SFXN5: variants seen among roughly 807,000 people sequenced by gnomAD.
The protein encoded by SFXN5 is sideroflexin 5, also known as sideroflexin-5.
Under a neutral mutation model 50.2 loss-of-function variants are expected in SFXN5, and 43 were observed. The observed-to-expected ratio is 0.86, with a 90% CI of 0.67 to 1.11. SFXN5 has a LOEUF of 1.11. Ranked by LOEUF, SFXN5 falls within the 50% of genes least tolerant of loss-of-function variation. The pLI, the probability that SFXN5 is intolerant of heterozygous loss-of-function variation, is 0.00. For synonymous variants in SFXN5, 203 were observed against 185.8 expected, an observed-to-expected ratio of 1.09 and a Z score of -0.75; for missense variants, 463 against 454.1, an observed-to-expected ratio of 1.02 and a Z score of -0.18.
chr2:73,025,596 G>A (rs1428235260), intron 3 of SFXN5, among the ~76,000 whole-genome samples: 2 of 152,208 alleles, frequency 1.3e-5, no homozygotes, highest in Non-Finnish European at 2.9e-5. Flanking sequence ...CCCTCTCGGG[G>A]AGGAAGGGGA....
At position 72,945,201 on chromosome 2, in the gene SFXN5, C is replaced by A. The variant is rs1671801273; in HGVS notation, c.946-102G>T. ...CCACCCTGGGCCCCAGAGCTCTGCC[C>A]CCTGCACCCCCGTGTCCACCCCAGC... On this transcript the variant is annotated intron_variant, in intron 13 of 13. Transcript: ENST00000272433. The surrounding 1 kb of genome is among the most constrained non-coding windows in gnomAD (Gnocchi z 5.8). The A allele has an allele frequency of 8.2e-6, 9 of 1,092,408 alleles. No individual in the cohort carries two copies. Among genetic ancestry groups the A allele is most frequent in the Middle Eastern group, 2.1e-4 (1 of 4,782 alleles). The allele number at this position is 1,092,408 out of a possible 1,614,324, so 67.7% of individuals were successfully genotyped here. A position where few individuals can be genotyped will look rare whatever the true frequency, so the allele number is the denominator to read the frequency against.
At chr2:72,959,671 C>T (rs1157275338) in intron 13 of SFXN5, among the ~76,000 whole-genome samples, 12 of 152,288 alleles carry the variant, frequency 7.9e-5, no homozygotes, top group African/African-American at 2.6e-4. Context: ...GGGGTCTCCC[C>T]GTGCCAAGGC....
At chr2:72,955,794 C>T (rs891246713) in intron 13 of SFXN5, among the ~76,000 whole-genome samples, 5 of 152,316 alleles carry the variant, frequency 3.3e-5, no homozygotes, top group South Asian at 4.1e-4. Context: ...GGGGAGGACA[C>T]AGAGGACCCC....
At chr2:73,032,891 G>C (rs965979063) in intron 3 of SFXN5, among the ~76,000 whole-genome samples, 2 of 152,184 alleles carry the variant, frequency 1.3e-5, no homozygotes, top group Non-Finnish European at 2.9e-5. Flanking sequence ...TTGTTGCCAT[G>C]GTTACTCCCA....
At chr2:72,986,132 T>C (rs1671893461) in intron 10 of SFXN5, among the ~76,000 whole-genome samples, 1 of 152,232 alleles carries the variant, frequency 6.6e-6, no homozygotes, top group Non-Finnish European at 1.5e-5. Flanking sequence ...AAGTCAGATC[T>C]AAAGGGTTAT....
At position 72,988,361 on chromosome 2, in the gene SFXN5, A is replaced by G. The variant is rs1672160592; in HGVS notation, c.535-13T>C. The G allele has an allele frequency of 6.2e-7, 1 of 1,612,396 alleles. No individual in the cohort carries two copies. Among genetic ancestry groups the G allele is most frequent in the Non-Finnish European group, 8.5e-7 (1 of 1,179,040 alleles). On this transcript the variant is annotated splice_polypyrimidine_tract_variant and intron_variant, in intron 9 of 13. Coordinates refer to ENST00000272433, the MANE Select transcript of SFXN5 (RefSeq NM_144579.3). Reference sequence around the variant, plus strand: ...CATTAAGGCCCACCTTTGAAAGAAAAAAATAAAAACACAGAAAAAGTACAT... The same window carrying G: ...CATTAAGGCCCACCTTTGAAAGAAAGAAATAAAAACACAGAAAAAGTACAT...
chr2:73,040,122 C>T (rs571984349), intron 3 of SFXN5, among the ~76,000 whole-genome samples: 1 of 152,192 alleles, frequency 6.6e-6, no homozygotes, highest in South Asian at 2.1e-4. Context: ...CTTACAAGCA[C>T]TTTAGTACTA....
chr2:73,010,989 AAGG>A (rs904690433), intron 6 of SFXN5, among the ~76,000 whole-genome samples: 2 of 152,354 alleles, frequency 1.3e-5, no homozygotes, highest in African/African-American at 4.8e-5. Context: ...CAAACAAAGA[AAGG>A]AGGGAAAAAG....
chr2:73,066,937 C>T (rs950440353), intron 1 of SFXN5, among the ~76,000 whole-genome samples: 1 of 152,176 alleles, frequency 6.6e-6, no homozygotes, highest in Non-Finnish European at 1.5e-5. Flanking sequence ...TCCAGCTACT[C>T]TGGAGGTAGA....
chr2:73,018,004 G>T (rs941954521), intron 6 of SFXN5, among the ~76,000 whole-genome samples: 1 of 152,126 alleles, frequency 6.6e-6, no homozygotes, highest in Admixed American at 6.6e-5. Flanking sequence ...AGGAGTTCAA[G>T]ACAAGCCTGG....
chr2:72,979,476 A>G (rs1417172153), intron 10 of SFXN5, among the ~76,000 whole-genome samples: 2 of 152,022 alleles, frequency 1.3e-5, no homozygotes, highest in Admixed American at 6.5e-5. Flanking sequence ...TCTACTAAAA[A>G]CACAAAAATT....
chr2:73,038,890 C>G lies in SFXN5; in HGVS notation c.249+1964G>C, dbSNP rs533056182. Among the ~76,000 whole-genome samples the G allele has an allele frequency of 3.3e-5, 5 of 152,236 alleles. No individual in the cohort carries two copies. The South Asian group carries it at 1.0e-3, about 32-fold the overall frequency. On this transcript the variant is annotated intron_variant, in intron 3 of 13. Coordinates refer to ENST00000272433, the MANE Select transcript of SFXN5 (RefSeq NM_144579.3). ...GACTAGGCCTGCACAGGGTCAGGAT[C>G]ATCAAGACATCTCCAGGCAACAGGA...
chr2:73,033,059 G>C (rs1401358803), intron 3 of SFXN5, among the ~76,000 whole-genome samples: 1 of 152,168 alleles, frequency 6.6e-6, no homozygotes, highest in Non-Finnish European at 1.5e-5. Context: ...CCAGACCTGG[G>C]TTTAAATTCT....
intron 9 of SFXN5, among the ~76,000 whole-genome samples, 171 bp from the exon 10 acceptor site, chr2:72,988,519 G>A (rs780933426): frequency 3.5e-4 from 53 of 152,010 alleles, no homozygotes; most frequent in Non-Finnish European, 6.6e-4. Flanking sequence ...GAGCTCCAGC[G>A]TCGCTGCTTA....
intron 1 of SFXN5, among the ~76,000 whole-genome samples, chr2:73,064,187 G>A (rs1574274599): frequency 1.3e-5 from 2 of 152,170 alleles, no homozygotes; most frequent in Admixed American, 6.5e-5. Context: ...AGCTGACACC[G>A]CCCCGCAACT....
At chr2:73,055,699 C>G (rs1333020019) in intron 2 of SFXN5, among the ~76,000 whole-genome samples, 1 of 151,504 alleles carries the variant, frequency 6.6e-6, no homozygotes, top group Non-Finnish European at 1.5e-5. Flanking sequence ...TCACTGCAAG[C>G]TCCGCCTCCC....
In SFXN5 at chr2:72,961,020, GC is replaced by G; in HGVS notation, c.945+110del. On this transcript the variant is annotated intron_variant, in intron 13 of 13. Coordinates refer to ENST00000272433, the MANE Select transcript of SFXN5 (RefSeq NM_144579.3). This position sits in a 1 kb window ranked among gnomAD's most constrained non-coding sequence, Gnocchi z 4.4. ...TGGGCCAGCCTCATTCACGGTTCCA[GC>G]CCCAGCGCCTAGCATGGCGCTAAGG... is the stretch of plus-strand genomic sequence containing the variant. The G allele has an allele frequency of 4.1e-6, 3 of 728,268 alleles. No individual in the cohort carries two copies. The highest frequency in any genetic ancestry group is 6.2e-6 in the Non-Finnish European group (3 of 486,872). 45.1% of individuals were successfully genotyped at this position (728,268 alleles called of 1,614,324 possible).
chr2:73,039,227 C>T (rs1332968901), intron 3 of SFXN5, among the ~76,000 whole-genome samples: 1 of 152,142 alleles, frequency 6.6e-6, no homozygotes, highest in East Asian at 1.9e-4. Flanking sequence ...CACGCCTGGC[C>T]CCCATTATCA....
intron 2 of SFXN5, among the ~76,000 whole-genome samples, chr2:73,047,233 AAAAAAAAAAAAAATATAT>A (rs1680471810): frequency 1.4e-4 from 4 of 28,044 alleles, no homozygotes; most frequent in African/African-American, 3.6e-4. Flanking sequence ...AAAAAAAAAA[AAAAAAAAAAAAAATATAT>A]ATATATATAT....
Sources: gnomAD v4.1 joint callset for allele counts (sites outside exome capture counted in the v4.1 genomes callset) on GRCh38, gnomAD v4.1.1 for gene constraint, Gnocchi (gnomAD v3.1) non-coding constraint, MANE v1.5 for transcripts, NCBI Gene and HGNC (gene_info 2026-07-23, HGNC 2026-07-21) for gene names.